The following FAM135B variants were observed in gnomAD, a reference collection of about 807,000 sequenced individuals.
The protein encoded by FAM135B is protein FAM135B.
A neutral mutation model predicts 127.7 loss-of-function variants in FAM135B; 43 were observed. The observed-to-expected ratio is 0.34, with a 90% CI of 0.26 to 0.43. FAM135B has a LOEUF of 0.43. Ranked by LOEUF, FAM135B falls within the 20% of genes least tolerant of loss-of-function variation. The probability of loss-of-function intolerance (pLI) is 1.00; values close to 1 mark genes in which losing one functional copy is unlikely to be tolerated. For missense variants in FAM135B, 1,558 were observed against 1,725.6 expected, an observed-to-expected ratio of 0.90 and a Z score of 1.72; for synonymous variants, 670 against 665.1, an observed-to-expected ratio of 1.01 and a Z score of -0.11.
At chr8:138,451,124 T>C (rs543982482) in intron 1 of FAM135B, among the ~76,000 whole-genome samples, 7 of 152,316 alleles carry the variant, frequency 4.6e-5, no homozygotes, top group Admixed American at 2.0e-4. Context: ...GCTCATTCAA[T>C]GGGATAGCCT....
chr8:138,164,049 A>C (rs1334356949), intron 12 of FAM135B, among the ~76,000 whole-genome samples: 1 of 152,074 alleles, frequency 6.6e-6, no homozygotes, highest in East Asian at 1.9e-4. Flanking sequence ...TTTTCCTTAC[A>C]CTAGAAGAAT....
intron 3 of FAM135B, among the ~76,000 whole-genome samples, chr8:138,303,991 T>A (rs1826063036): frequency 6.6e-6 from 1 of 152,232 alleles, no homozygotes. Context: ...TAGCAGCTTT[T>A]GGACACAGAT....
intron 4 of FAM135B, among the ~76,000 whole-genome samples, chr8:138,257,552 C>T (rs1019202591): frequency 1.3e-5 from 2 of 152,116 alleles, no homozygotes; most frequent in Non-Finnish European, 2.9e-5. Context: ...TACCAGATCT[C>T]GCCACCACCT....
At chr8:138,331,462 G>C (rs1828169611) in intron 2 of FAM135B, among the ~76,000 whole-genome samples, 1 of 152,084 alleles carries the variant, frequency 6.6e-6, no homozygotes, top group Admixed American at 6.5e-5. Context: ...CATTATCCCA[G>C]ATTATAGATG....
chr8:138,264,861 G>C lies in FAM135B; in HGVS notation c.297+842C>G, dbSNP rs112898749. On this transcript the variant is annotated intron_variant, in intron 4 of 19. Transcript: ENST00000395297. ...TGTGCACACCACATGAGGAATGCAAGTAGGGGATTTCTAATTAGAACTTCC... is the reference window on the plus strand; with the variant it reads ...TGTGCACACCACATGAGGAATGCAACTAGGGGATTTCTAATTAGAACTTCC... Among the ~76,000 whole-genome samples, 945 of 152,268 alleles carry C rather than the reference G, an allele frequency of 6.2e-3. 20 individuals are homozygous for C. The highest frequency in any genetic ancestry group is 0.022 in the African/African-American group (899 of 41,550).
rs1818276281 is a variant in FAM135B at position 138,152,630 on chromosome 8, T to A, written c.1845A>T (p.Leu615Phe). ...ISSDKTTLHE[L>F]STLGKGIDQE... ...GATCTATTCCCTTTCCTAGAGTACT[T>A]AATTCATGGAGAGTTGTTTTGTCTG... The change falls in exon 13 of 20, where the codon TTA becomes TTT. Residue 615 changes from leucine to phenylalanine, a missense_variant. Physicochemically the swap from Leu to Phe is conservative, Grantham distance 22. Transcript: ENST00000395297. 4 of 1,614,138 alleles carry A rather than the reference T, an allele frequency of 2.5e-6. No individual in the cohort carries two copies. The highest frequency in any genetic ancestry group is 3.4e-6 in the Non-Finnish European group (4 of 1,179,998).
At chr8:138,181,530 C>T (rs78542117) in intron 9 of FAM135B, among the ~76,000 whole-genome samples, 2,789 of 152,202 alleles carry the variant, frequency 0.018, 76 homozygotes, top group African/African-American at 0.063. Context: ...GGGCTGCACA[C>T]ACACCTGGTC....
chr8:138,401,998 C>A (rs1026176548), intron 1 of FAM135B, among the ~76,000 whole-genome samples: 1 of 151,990 alleles, frequency 6.6e-6, no homozygotes, highest in Non-Finnish European at 1.5e-5. Flanking sequence ...GTATGCCTGT[C>A]CCTGGTGTGT....
chr8:138,461,280 T>C (rs1474153), intron 1 of FAM135B, among the ~76,000 whole-genome samples: 87,497 of 151,870 alleles, frequency 0.58, 25,882 homozygotes, highest in East Asian at 0.99. Flanking sequence ...GTGCTGGGGA[T>C]GCATCCTGGT....
rs893061044 is a variant in FAM135B at position 138,242,195 on chromosome 8, G to T, written c.669+747C>A. On this transcript the variant is annotated intron_variant, in intron 7 of 19. Coordinates refer to ENST00000395297, the MANE Select transcript of FAM135B (RefSeq NM_015912.4). This position sits in a 1 kb window ranked among gnomAD's most constrained non-coding sequence, Gnocchi z 9.6. ...TGTGTGTGTGTGTGTGTGTGTGTGT[G>T]TGTGTGTGTGTGTGTGTGTGTGTTC... is the stretch of plus-strand genomic sequence containing the variant. Among the ~76,000 whole-genome samples, 23 of 149,772 alleles carry T rather than the reference G, an allele frequency of 1.5e-4. No individual in the cohort carries two copies. The highest frequency in any genetic ancestry group is 5.2e-4 in the African/African-American group (21 of 40,190).
At chr8:138,439,477 C>T (rs1386138564) in intron 1 of FAM135B, 1 of 152,138 alleles carries the variant, frequency 6.6e-6, no homozygotes. Flanking sequence ...CAAGGTAAAG[C>T]TTCATAGGCC....
At chr8:138,312,994 A>C (rs916518641) in intron 2 of FAM135B, among the ~76,000 whole-genome samples, 1 of 152,264 alleles carries the variant, frequency 6.6e-6, no homozygotes, top group Non-Finnish European at 1.5e-5. Context: ...CCATAGACAA[A>C]ATAACAGCCA....
chr8:138,345,833 C>T (rs1829371085), intron 2 of FAM135B, among the ~76,000 whole-genome samples: 1 of 152,232 alleles, frequency 6.6e-6, no homozygotes, highest in African/African-American at 2.4e-5. Flanking sequence ...GCCTCAGTTT[C>T]TCCATCTGAG....
Position 138,242,164 on chromosome 8 carries a change from TTTGTGTGTGTGTGTG to T in FAM135B, c.669+763_669+777del, listed in dbSNP as rs1242031059. Among the ~76,000 whole-genome samples, 1 of 135,208 alleles carries T rather than the reference TTTGTGTGTGTGTGTG, an allele frequency of 7.4e-6. No individual in the cohort carries two copies. The highest frequency in any genetic ancestry group is 1.6e-5 in the Non-Finnish European group (1 of 63,844). The allele number at this position is 135,208 out of a possible 152,430, so 88.7% of individuals were successfully genotyped here. ...GAGTCAATTACTTATGATAAATCTCTTTGTGTGTGTGTGTGTGTGTGTGTGTGTGTGTGTGTGTGT... is the reference window on the plus strand; with the variant it reads ...GAGTCAATTACTTATGATAAATCTCTTGTGTGTGTGTGTGTGTGTGTGTGT... On this transcript the variant is annotated intron_variant, in intron 7 of 19. Transcript: ENST00000395297. The surrounding 1 kb of genome is among the most constrained non-coding windows in gnomAD (Gnocchi z 9.6).
chr8:138,188,363 G>A (rs148534463), intron 9 of FAM135B, among the ~76,000 whole-genome samples: 2 of 152,228 alleles, frequency 1.3e-5, no homozygotes, highest in African/African-American at 4.8e-5. Flanking sequence ...CTGTCTTATG[G>A]GGCTGCACCC....
rs1475744962 is a variant in FAM135B, at chr8:138,138,982, T to C, written c.3901+4A>G. The C allele has an allele frequency of 6.3e-7, 1 of 1,588,066 alleles. No individual in the cohort carries two copies. Among genetic ancestry groups the C allele is most frequent in the Non-Finnish European group, 8.6e-7 (1 of 1,156,334 alleles). ...TAACTGCAGCTGTGGGGGAAACCAC[T>C]GACCTGTTTTTTGGCTTAGTTGGTA... On this transcript the variant is annotated splice_donor_region_variant and intron_variant, in intron 18 of 19. Transcript: ENST00000395297.
At chr8:138,296,447 T>C (rs1825488942) in intron 3 of FAM135B, among the ~76,000 whole-genome samples, 1 of 152,232 alleles carries the variant, frequency 6.6e-6, no homozygotes, top group African/African-American at 2.4e-5. Context: ...GAGCTCCTTC[T>C]TTCCCAGCCC....
chr8:138,491,625 T>C (rs1815204141), intron 1 of FAM135B, among the ~76,000 whole-genome samples: 1 of 152,218 alleles, frequency 6.6e-6, no homozygotes, highest in African/African-American at 2.4e-5. Context: ...ATTCATTCAT[T>C]CATTCAGCAA....
intron 1 of FAM135B, among the ~76,000 whole-genome samples, chr8:138,447,780 A>C (rs1210246483): frequency 1.3e-5 from 2 of 151,264 alleles, no homozygotes; most frequent in African/African-American, 2.4e-5. Flanking sequence ...CATGTTTTGC[A>C]CATGTACCCT....
Sources: gnomAD v4.1 joint callset for allele counts (sites outside exome capture counted in the v4.1 genomes callset) on GRCh38, gnomAD v4.1.1 for gene constraint, Gnocchi (gnomAD v3.1) non-coding constraint, MANE v1.5 for transcripts, NCBI Gene and HGNC (gene_info 2026-07-23, HGNC 2026-07-21) for gene names.